The following MEI4 variants were observed in gnomAD, a reference collection of about 807,000 sequenced individuals.
MEI4 encodes meiotic double-stranded break formation protein 4, also known as meiosis-specific protein MEI4.
MEI4 carries 27 observed loss-of-function variants against 31.4 expected under a neutral mutation model. That is an observed-to-expected ratio of 0.86 (90% CI 0.63 to 1.19). The LOEUF is 1.19. MEI4 is among the 50% of genes most tolerant of loss of function. MEI4 has a pLI of 0.00. For synonymous variants in MEI4, 122 were observed against 145.4 expected (o/e 0.84, Z 1.16); for missense variants, 329 against 398.9 (o/e 0.82, Z 1.49).
intron 3 of MEI4, among the ~76,000 whole-genome samples, chr6:77,818,480 C>A (rs973328265): frequency 1.3e-5 from 2 of 152,134 alleles, no homozygotes; most frequent in African/African-American, 4.8e-5. Context: ...TTGATTTTCA[C>A]AATCTTGCTT....
At chr6:77,855,905 G>T (rs538935954) in intron 4 of MEI4, among the ~76,000 whole-genome samples, 14 of 152,148 alleles carry the variant, frequency 9.2e-5, no homozygotes, top group Non-Finnish European at 1.5e-4. Context: ...GCCATGATAT[G>T]CGAGTTTAAT....
At chr6:77,763,101 T>C (rs918889241) in intron 3 of MEI4, among the ~76,000 whole-genome samples, 1 of 152,138 alleles carries the variant, frequency 6.6e-6, no homozygotes, top group Non-Finnish European at 1.5e-5. Flanking sequence ...TGGAGGTTGA[T>C]ATGACTTAAA....
At chr6:77,673,247 T>C (rs1179218317) in intron 1 of MEI4, among the ~76,000 whole-genome samples, 2 of 152,184 alleles carry the variant, frequency 1.3e-5, no homozygotes, top group African/African-American at 4.8e-5. Flanking sequence ...ATAGTATGGC[T>C]GTAATAGTAG....
At chr6:77,681,926 C>T (rs1768964706) in intron 1 of MEI4, among the ~76,000 whole-genome samples, 1 of 152,144 alleles carries the variant, frequency 6.6e-6, no homozygotes, top group Non-Finnish European at 1.5e-5. Flanking sequence ...AGTAAATCCT[C>T]ATTCTTTTAT....
intron 3 of MEI4, among the ~76,000 whole-genome samples, chr6:77,801,360 A>C (rs1769251728): frequency 6.7e-6 from 1 of 149,422 alleles, no homozygotes; most frequent in African/African-American, 2.4e-5. Flanking sequence ...ATTTTTTATC[A>C]CGTCTATTCT....
chr6:77,903,788 TATC>T lies in MEI4; in HGVS notation c.901-19298_901-19296del, dbSNP rs566000101. Among the ~76,000 whole-genome samples, 392 of 152,298 alleles carry T rather than the reference TATC, an allele frequency of 2.6e-3. 2 individuals are homozygous for T. The highest frequency in any genetic ancestry group is 0.014 in the Middle Eastern group (4 of 294). On this transcript the variant is annotated intron_variant, in intron 4 of 4. Transcript: ENST00000684080. ...ATGCCTTTTCTGTATCTATTCAGATTATCATATGGCTTTTATTCTTCATTATGA... is the reference window on the plus strand; with the variant it reads ...ATGCCTTTTCTGTATCTATTCAGATTATATGGCTTTTATTCTTCATTATGA...
chr6:77,860,234 T>A (rs1770835643), intron 4 of MEI4, among the ~76,000 whole-genome samples: 1 of 152,172 alleles, frequency 6.6e-6, no homozygotes, highest in Admixed American at 6.6e-5. Context: ...AATATATGAT[T>A]TTCTAAAAGT....
intron 3 of MEI4, among the ~76,000 whole-genome samples, chr6:77,788,586 A>G (rs1768816962): frequency 6.6e-6 from 1 of 152,116 alleles, no homozygotes; most frequent in Non-Finnish European, 1.5e-5. Flanking sequence ...TGCAAAAATC[A>G]CAAGCATTCT....
chr6:77,790,852 C>T (rs1047003093), intron 3 of MEI4, among the ~76,000 whole-genome samples: 1 of 152,080 alleles, frequency 6.6e-6, no homozygotes, highest in Admixed American at 6.5e-5. Context: ...ACAAACAACC[C>T]CATCAAAAAG....
chr6:77,782,648 G>T (rs1395873455), intron 3 of MEI4, among the ~76,000 whole-genome samples: 1 of 152,072 alleles, frequency 6.6e-6, no homozygotes, highest in Admixed American at 6.6e-5. Context: ...AACTTAGAAA[G>T]CAATGAGAAG....
At chr6:77,664,164 T>A (rs1359984692) in intron 1 of MEI4, among the ~76,000 whole-genome samples, 1 of 152,170 alleles carries the variant, frequency 6.6e-6, no homozygotes, top group Non-Finnish European at 1.5e-5. Context: ...ATTGTACACC[T>A]TGAAGGCGAG....
intron 3 of MEI4, among the ~76,000 whole-genome samples, chr6:77,818,374 A>G (rs2127707401): frequency 6.6e-6 from 1 of 152,262 alleles, no homozygotes; most frequent in Middle Eastern, 3.4e-3. Flanking sequence ...TATATGATCT[A>G]TATTTATATC....
intron 4 of MEI4, among the ~76,000 whole-genome samples, chr6:77,893,182 G>A (rs1766004015): frequency 6.6e-6 from 1 of 152,042 alleles, no homozygotes; most frequent in Non-Finnish European, 1.5e-5. Context: ...ATTATCTACT[G>A]ACTGTTTTTG....
At position 77,778,563 on chromosome 6, in the gene MEI4, G is replaced by A. The variant is rs534034803; in HGVS notation, c.768+16898G>A. 1.4e-3 allele frequency among the ~76,000 whole-genome samples: 214 copies of A among 151,900 alleles called. 1 individual carries two copies. The highest frequency in any genetic ancestry group is 4.5e-3 in the African/African-American group (187 of 41,464). On this transcript the variant is annotated intron_variant, in intron 3 of 4. Transcript: ENST00000684080. Reference sequence around the variant, plus strand: ...TAAAAATACAAAAAAATAGCTGGGCGGTATGGCGAGCGTCTGTAGTCTCAG... The same window carrying A: ...TAAAAATACAAAAAAATAGCTGGGCAGTATGGCGAGCGTCTGTAGTCTCAG...
At chr6:77,921,137 C>T (rs796850784) in intron 4 of MEI4, among the ~76,000 whole-genome samples, 4 of 152,002 alleles carry the variant, frequency 2.6e-5, no homozygotes, top group African/African-American at 9.6e-5. Flanking sequence ...GTTTCATCCA[C>T]ATTGAACAAC....
intron 1 of MEI4, among the ~76,000 whole-genome samples, chr6:77,664,280 C>T (rs577118896): frequency 1.3e-5 from 2 of 152,094 alleles, no homozygotes; most frequent in African/African-American, 2.4e-5. Flanking sequence ...GAGAATAAGA[C>T]GGCCTTTTGA....
At chr6:77,791,378 G>T (rs1467702551) in intron 3 of MEI4, among the ~76,000 whole-genome samples, 2 of 151,582 alleles carry the variant, frequency 1.3e-5, no homozygotes, top group Admixed American at 6.6e-5. Flanking sequence ...CATGTCCTTT[G>T]TAGGGACATG....
intron 3 of MEI4, among the ~76,000 whole-genome samples, chr6:77,799,639 A>G (rs1341813714): frequency 6.6e-6 from 1 of 152,178 alleles, no homozygotes; most frequent in Admixed American, 6.5e-5. Context: ...CTAATGTTCA[A>G]GTCTTTAATC....
chr6:77,867,648 AG>A (rs1295236532), intron 4 of MEI4, among the ~76,000 whole-genome samples: 1 of 152,200 alleles, frequency 6.6e-6, no homozygotes, highest in African/African-American at 2.4e-5. Flanking sequence ...CCATTGTGGA[AG>A]TCAGTGTGGC....
Sources: gnomAD v4.1 joint callset for allele counts (sites outside exome capture counted in the v4.1 genomes callset) on GRCh38, gnomAD v4.1.1 for gene constraint, MANE v1.5 for transcripts, NCBI Gene and HGNC (gene_info 2026-07-23, HGNC 2026-07-21) for gene names.